Variants in ERG observed in about 807,000 individuals in gnomAD.
ERG encodes transcriptional regulator ERG.
In ERG, 9 loss-of-function variants were observed where a neutral mutation model predicts 55.3. The observed-to-expected ratio is 0.16, with a 90% CI of 0.10 to 0.28. The LOEUF is 0.28. ERG is among the 10% of genes least tolerant of loss of function. The pLI, the probability that ERG is intolerant of heterozygous loss-of-function variation, is 1.00. For missense variants in ERG, 434 were observed against 631.6 expected, an observed-to-expected ratio of 0.69 and a Z score of 3.35; for synonymous variants, 223 against 237.3, an observed-to-expected ratio of 0.94 and a Z score of 0.55.
intron 2 of ERG, among the ~76,000 whole-genome samples, chr21:38,514,165 TA>T (rs992585492): frequency 1.4e-5 from 2 of 146,704 alleles, no homozygotes; most frequent in African/African-American, 2.5e-5. Flanking sequence ...AATAAAAAAA[TA>T]AAAAAAAGAA....
intron 1 of ERG, among the ~76,000 whole-genome samples, chr21:38,650,163 A>T (rs1270456733): frequency 6.6e-6 from 1 of 152,228 alleles, no homozygotes; most frequent in Non-Finnish European, 1.5e-5. Context: ...AAATTCCCTT[A>T]TTATGCACTA....
At chr21:38,445,106 G>A (rs1007740634) in intron 2 of ERG, among the ~76,000 whole-genome samples, 6 of 150,386 alleles carry the variant, frequency 4.0e-5, no homozygotes, top group East Asian at 3.9e-4. Flanking sequence ...CAACGTCACC[G>A]TTCAATGGCC....
chr21:38,634,290 C>T (rs970223300), intron 1 of ERG, among the ~76,000 whole-genome samples: 10 of 152,140 alleles, frequency 6.6e-5, no homozygotes, highest in Admixed American at 3.3e-4. Flanking sequence ...AAAGTCGCCA[C>T]TTCACTGTGT....
chr21:38,602,082 C>T (rs1212748226), intron 1 of ERG, among the ~76,000 whole-genome samples: 2 of 152,148 alleles, frequency 1.3e-5, no homozygotes, highest in Non-Finnish European at 2.9e-5. Flanking sequence ...GGCATAAACT[C>T]CTGCTTCTCT....
At chr21:38,481,052 A>G (rs945438388) in intron 1 of ERG, among the ~76,000 whole-genome samples, 4 of 152,238 alleles carry the variant, frequency 2.6e-5, no homozygotes, top group African/African-American at 9.6e-5. Context: ...CCTTTTAATT[A>G]TCCTAAAAAC....
chr21:38,567,420 T>C (rs779828089), intron 2 of ERG, among the ~76,000 whole-genome samples: 7 of 151,826 alleles, frequency 4.6e-5, no homozygotes, highest in Non-Finnish European at 8.8e-5. Flanking sequence ...TGCAGAAAAA[T>C]GAAAGTACAA....
chr21:38,606,062 T>C (rs1023488885), intron 1 of ERG, among the ~76,000 whole-genome samples: 3 of 143,600 alleles, frequency 2.1e-5, no homozygotes, highest in African/African-American at 7.4e-5. Flanking sequence ...GATTGATAAA[T>C]GATAGAGAGA....
At chr21:38,493,179 T>C (rs1486557672) in intron 1 of ERG, among the ~76,000 whole-genome samples, 1 of 152,158 alleles carries the variant, frequency 6.6e-6, no homozygotes, top group East Asian at 1.9e-4. Context: ...TAAAAAGTAT[T>C]CAAAAAATTA....
chr21:38,591,393 C>G (rs1297570738), intron 1 of ERG, among the ~76,000 whole-genome samples: 1 of 152,198 alleles, frequency 6.6e-6, no homozygotes, highest in Non-Finnish European at 1.5e-5. Flanking sequence ...AGTTGAGCAA[C>G]AAAGTTAGGG....
the ERG span, chr21:38,367,715 T>TTAGA: frequency 2.1e-6 from 1 of 484,362 alleles, no homozygotes; most frequent in Non-Finnish European, 4.1e-6. Flanking sequence ...GCGACCCATA[T>TTAGA]TAGAACAAGA....
chr21:38,382,501 C>A lies in ERG; in HGVS notation c.*902G>T. 9.4e-7 allele frequency: 1 copy of A among 1,064,938 alleles called. No individual in the cohort carries two copies. The highest frequency in any genetic ancestry group is 1.1e-6 in the Non-Finnish European group (1 of 878,758). 66.0% of individuals were successfully genotyped at this position (1,064,938 alleles called of 1,614,324 possible). On this transcript the variant is annotated 3_prime_UTR_variant, in exon 10 of 10. Transcript: ENST00000288319. ...AGATGCGCATTTTTGTTTCTGAATTCTACTACTTCCCCTTTCTCCATTACG... is the reference window on the plus strand; with the variant it reads ...AGATGCGCATTTTTGTTTCTGAATTATACTACTTCCCCTTTCTCCATTACG...
intron 9 of ERG, among the ~76,000 whole-genome samples, chr21:38,390,488 G>T (rs1987922156): frequency 6.6e-6 from 1 of 152,016 alleles, no homozygotes. Context: ...GTAAGGTTAT[G>T]GGGTAGGTAT....
chr21:38,608,138 A>G lies in ERG; in HGVS notation c.-149-23193T>C, dbSNP rs139308971. On this transcript the variant is annotated intron_variant, in intron 1 of 10. Coordinates refer to the ERG transcript ENST00000398910. Reference sequence around the variant, plus strand: ...ATAAATTAATCTCACTTGTCAAAACATAAATATTCTCAGCCTGGATGATTT... The same window carrying G: ...ATAAATTAATCTCACTTGTCAAAACGTAAATATTCTCAGCCTGGATGATTT... 5.0e-3 allele frequency among the ~76,000 whole-genome samples: 766 copies of G among 152,358 alleles called. 8 individuals carry two copies. Among genetic ancestry groups the G allele is most frequent in the African/African-American group, 0.017 (726 of 41,578 alleles).
At chr21:38,506,709 C>T (rs773661196) in intron 2 of ERG, among the ~76,000 whole-genome samples, 2 of 152,174 alleles carry the variant, frequency 1.3e-5, no homozygotes, top group Non-Finnish European at 2.9e-5. Context: ...TTTCTCGCCG[C>T]TTCCACTTTG....
intron 1 of ERG, among the ~76,000 whole-genome samples, chr21:38,483,207 C>T (rs761157663): frequency 1.3e-5 from 2 of 152,094 alleles, no homozygotes; most frequent in African/African-American, 2.4e-5. Context: ...AGAGATCTAA[C>T]GTACACCATA....
At chr21:38,661,463 T>C (rs1601367863) in intron 1 of ERG, among the ~76,000 whole-genome samples, 2 of 152,246 alleles carry the variant, frequency 1.3e-5, no homozygotes, top group South Asian at 2.1e-4. Flanking sequence ...GACGCGGGGA[T>C]GCCGAGGGCA....
intron 9 of ERG, among the ~76,000 whole-genome samples, chr21:38,386,752 T>G (rs889715307): frequency 1.3e-5 from 2 of 151,900 alleles, no homozygotes; most frequent in African/African-American, 4.8e-5. Flanking sequence ...CACCTCTACC[T>G]TAGGACTCAC....
rs573611712 is a variant in ERG at position 38,486,180 on chromosome 21, G to A, written c.18+12183C>T. On this transcript the variant is annotated intron_variant, in intron 1 of 9. Coordinates refer to ENST00000288319, the MANE Select transcript of ERG (RefSeq NM_182918.4). ...CATCTCCTGACCTCGTGATCTGCCCGCCTCAGCCTCCCAAAGTGCTGGGAT... is the reference window on the plus strand; with the variant it reads ...CATCTCCTGACCTCGTGATCTGCCCACCTCAGCCTCCCAAAGTGCTGGGAT... Among the ~76,000 whole-genome samples, 422 of 150,602 alleles carry A rather than the reference G, an allele frequency of 2.8e-3. 2 individuals are homozygous for A. The highest frequency in any genetic ancestry group is 9.6e-3 in the African/African-American group (392 of 40,982).
At chr21:38,558,803 T>C (rs577080183) in intron 2 of ERG, among the ~76,000 whole-genome samples, 2 of 152,104 alleles carry the variant, frequency 1.3e-5, no homozygotes, top group African/African-American at 4.8e-5. Context: ...CAAAAACACT[T>C]AAAAGCCACA....
Sources: allele counts gnomAD v4.1 joint callset (sites outside exome capture counted in the v4.1 genomes callset), GRCh38; gene constraint gnomAD v4.1.1; transcripts MANE v1.5; gene names NCBI Gene and HGNC (gene_info 2026-07-23, HGNC 2026-07-21).